RAB1A: variants seen among roughly 807,000 people sequenced by gnomAD.
The protein encoded by RAB1A is ras-related protein Rab-1A.
A neutral mutation model predicts 26.0 loss-of-function variants in RAB1A; 2 were observed. The ratio of observed to expected loss-of-function variants is 0.08; its 90% confidence interval spans 0.03 to 0.24. RAB1A has a LOEUF of 0.24. Among genes scored for constraint, RAB1A ranks in the 10% least tolerant of loss-of-function variants. The probability of loss-of-function intolerance (pLI) is 1.00; values close to 1 mark genes in which losing one functional copy is unlikely to be tolerated. For missense variants in RAB1A, 100 were observed against 247.0 expected, an observed-to-expected ratio of 0.40 and a Z score of 3.99; for synonymous variants, 84 against 84.9, an observed-to-expected ratio of 0.99 and a Z score of 0.06.
intron 2 of RAB1A, among the ~76,000 whole-genome samples, chr2:65,101,411 A>AC (rs1160834096): frequency 2.6e-5 from 4 of 152,168 alleles, no homozygotes; most frequent in Non-Finnish European, 5.9e-5. Flanking sequence ...CTTATTGCAC[A>AC]TTTCTTTATT....
Position 65,088,563 on chromosome 2 carries a change from C to G in RAB1A, c.548G>C (p.Gly183Ala). The G allele has an allele frequency of 6.2e-7, 1 of 1,613,762 alleles. No homozygotes were observed. Among genetic ancestry groups the G allele is most frequent in the Non-Finnish European group, 8.5e-7 (1 of 1,179,810 alleles). Residue 183 changes from glycine to alanine, a missense_variant, in exon 6 of 6, where the codon GGT (glycine) becomes GCT (alanine). By Grantham distance (60) the Gly-to-Ala change is moderately conservative. Coordinates refer to ENST00000409784, the MANE Select transcript of RAB1A (RefSeq NM_004161.5). ...KKRMGPGATAGGAEKSNVKIQ... is the reference protein window; with the variant it reads ...KKRMGPGATAAGAEKSNVKIQ... ...TTTAACATTGGACTTCTCAGCACCACCAGCTGTTGCTCCGGGACCCATTCG... is the reference window on the plus strand; with the variant it reads ...TTTAACATTGGACTTCTCAGCACCAGCAGCTGTTGCTCCGGGACCCATTCG...
At chr2:65,114,039 A>G (rs1003203184) in intron 1 of RAB1A, 2 of 323,540 alleles carry the variant, frequency 6.2e-6, no homozygotes, top group Admixed American at 3.5e-5. Context: ...CACACCTATC[A>G]TAACACAAAT....
rs1308027447 is a variant in RAB1A, at chr2:65,097,968, TA to T, written c.192+2del. 1 of 1,510,878 alleles carries T rather than the reference TA, an allele frequency of 6.6e-7. No homozygotes were observed. Among genetic ancestry groups the T allele is most frequent in the African/African-American group, 1.4e-5 (1 of 72,118 alleles). 93.6% of individuals were successfully genotyped at this position (1,510,878 alleles called of 1,614,324 possible). A position where few individuals can be genotyped will look rare whatever the true frequency, so the allele number is the denominator to read the frequency against. Reference sequence around the variant, plus strand: ...CAAAAAAATTACTAGCCAAGTCACTTACTATTTGAAGCTTGATTGTTTTCCC... The same window carrying T: ...CAAAAAAATTACTAGCCAAGTCACTTCTATTTGAAGCTTGATTGTTTTCCC... On this transcript the variant is annotated splice_donor_variant, in intron 3 of 5. Transcript: ENST00000409784. LOFTEE classifies it high-confidence loss of function.
At chr2:65,108,601 G>C (rs938992892) in intron 1 of RAB1A, among the ~76,000 whole-genome samples, 4 of 152,078 alleles carry the variant, frequency 2.6e-5, no homozygotes, top group African/African-American at 9.7e-5. Flanking sequence ...GAGGTTGGGA[G>C]TTCGAGACCA....
chr2:65,095,846 T>C (rs950092954), intron 3 of RAB1A, among the ~76,000 whole-genome samples: 1 of 151,152 alleles, frequency 6.6e-6, no homozygotes, highest in African/African-American at 2.4e-5. Context: ...ATCCCATCTC[T>C]ACGAAAAATA....
intron 1 of RAB1A, among the ~76,000 whole-genome samples, chr2:65,109,493 CAGG>C (rs1669644958): frequency 6.6e-6 from 1 of 151,872 alleles, no homozygotes; most frequent in African/African-American, 2.4e-5. Context: ...TACCTGAGGT[CAGG>C]AGTTCAAGAC....
rs115018850 is a variant in RAB1A at position 65,128,847 on chromosome 2, T to C, written c.23+1046A>G. 7.5e-3 allele frequency among the ~76,000 whole-genome samples: 1,145 copies of C among 152,314 alleles called. 12 individuals carry two copies. The highest frequency in any genetic ancestry group is 0.026 in the African/African-American group (1,086 of 41,550). On this transcript the variant is annotated intron_variant, in intron 1 of 5. Transcript: ENST00000409784. ...ATGCATGTAAACTGTAGAGGAAATT[T>C]TTAAAGGGCCATTGAGGAGAGCCCA...
In RAB1A at chr2:65,107,832, G is replaced by A. The variant is rs149502983; in HGVS notation, c.24-3026C>T. Among the ~76,000 whole-genome samples the A allele has an allele frequency of 1.2e-3, 190 of 152,244 alleles. 1 individual carries two copies. Among genetic ancestry groups the A allele is most frequent in the African/African-American group, 4.2e-3 (173 of 41,554 alleles). On this transcript the variant is annotated intron_variant, in intron 1 of 5. Transcript: ENST00000409784. ...TAAAGATCAACAACCCAGGCTAGGC[G>A]TAGTGGCTCATGCCTGAGGTCAGAA...
Position 65,088,990 on chromosome 2 carries a change from CCCTA to C in RAB1A, c.365_368del (p.Val122GlyfsTer6). ...TCTTTGTGGTCAGATCACATTTGTT[CCCTA>C]CCAACAATTTGTTGACATTTTCACT... is the stretch of plus-strand genomic sequence containing the variant. On this transcript the variant is annotated frameshift_variant, in exon 5 of 6. Coordinates refer to ENST00000409784, the MANE Select transcript of RAB1A (RefSeq NM_004161.5). LOFTEE classifies it high-confidence loss of function. The C allele has an allele frequency of 6.2e-7, 1 of 1,609,672 alleles. No homozygotes were observed. Among genetic ancestry groups the C allele is most frequent in the Non-Finnish European group, 8.5e-7 (1 of 1,177,522 alleles).
At chr2:65,107,930 G>A (rs1669599862) in intron 1 of RAB1A, among the ~76,000 whole-genome samples, 1 of 151,980 alleles carries the variant, frequency 6.6e-6, no homozygotes, top group Non-Finnish European at 1.5e-5. Context: ...TAGGCATGGT[G>A]GTGGGCAGCT....
intron 3 of RAB1A, among the ~76,000 whole-genome samples, chr2:65,095,616 G>A (rs147473007): frequency 9.3e-5 from 14 of 150,254 alleles, no homozygotes; most frequent in South Asian, 4.2e-4. Flanking sequence ...CTCTGACCTC[G>A]GCCTCCCAAA....
At chr2:65,120,328 A>G (rs1258266894) in intron 1 of RAB1A, among the ~76,000 whole-genome samples, 1 of 151,850 alleles carries the variant, frequency 6.6e-6, no homozygotes, top group African/African-American at 2.4e-5. Context: ...GTGGTGGCGC[A>G]GCCTGTAATC....
At chr2:65,109,897 C>T (rs914241177) in intron 1 of RAB1A, among the ~76,000 whole-genome samples, 9 of 152,092 alleles carry the variant, frequency 5.9e-5, no homozygotes, top group Admixed American at 3.3e-4. Context: ...TGTTTCTCCA[C>T]CCTTACGTTT....
chr2:65,096,966 C>T (rs909091353), intron 3 of RAB1A, among the ~76,000 whole-genome samples: 5 of 152,210 alleles, frequency 3.3e-5, no homozygotes, highest in Admixed American at 3.3e-4. Context: ...AATCAGGTGT[C>T]ATCACACACA....
rs144933421 is a variant in RAB1A, at chr2:65,090,423, C to T, written c.288+560G>A. 1.9e-4 allele frequency among the ~76,000 whole-genome samples: 29 copies of T among 152,268 alleles called. 2 individuals are homozygous for T. Among genetic ancestry groups the T allele is most frequent in the African/African-American group, 6.7e-4 (28 of 41,536 alleles). ...ACAAAAAAAGTTATGGCCCCTGGAT[C>T]ACATGCTTCACACTGTCCCACATTG... On this transcript the variant is annotated intron_variant, in intron 4 of 5. Coordinates refer to ENST00000409784, the MANE Select transcript of RAB1A (RefSeq NM_004161.5).
intron 2 of RAB1A, among the ~76,000 whole-genome samples, chr2:65,099,033 C>T (rs978813242): frequency 5.9e-5 from 9 of 152,048 alleles, no homozygotes; most frequent in African/African-American, 1.2e-4. Context: ...GACAGGGTTT[C>T]GTGATGATGG....
At chr2:65,123,169 A>ATTTTT (rs571655114) in intron 1 of RAB1A, among the ~76,000 whole-genome samples, 1 of 136,054 alleles carries the variant, frequency 7.4e-6, no homozygotes, top group Non-Finnish European at 1.6e-5. Context: ...ACATACGTAA[A>ATTTTT]TTTTTTTTTT....
intron 3 of RAB1A, among the ~76,000 whole-genome samples, chr2:65,092,946 ACTCT>A (rs1214587086): frequency 2.0e-5 from 3 of 151,390 alleles, no homozygotes; most frequent in Non-Finnish European, 4.4e-5. Flanking sequence ...CTTCCTTCAC[ACTCT>A]CTCGCCTCCT....
At chr2:65,111,962 A>G (rs1178583998) in intron 1 of RAB1A, among the ~76,000 whole-genome samples, 1 of 151,830 alleles carries the variant, frequency 6.6e-6, no homozygotes, top group African/African-American at 2.4e-5. Flanking sequence ...ACGCACCTGT[A>G]GTCTCAGCTA....
Sources: gnomAD v4.1 joint callset for allele counts (sites outside exome capture counted in the v4.1 genomes callset) on GRCh38, gnomAD v4.1.1 for gene constraint, MANE v1.5 for transcripts, NCBI Gene and HGNC (gene_info 2026-07-23, HGNC 2026-07-21) for gene names.